The following RALGAPA2 variants were observed in gnomAD, a reference collection of about 807,000 sequenced individuals.
The protein encoded by RALGAPA2 is ral GTPase-activating protein subunit alpha-2.
A neutral mutation model predicts 230.4 loss-of-function variants in RALGAPA2; 139 were observed. That is an observed-to-expected ratio of 0.60 (90% CI 0.53 to 0.69). RALGAPA2 has a LOEUF of 0.69. Ranked by LOEUF, RALGAPA2 falls within the 30% of genes least tolerant of loss-of-function variation. RALGAPA2 has a pLI of 0.00. For synonymous variants in RALGAPA2, 847 were observed against 837.8 expected (o/e 1.01, Z -0.19); for missense variants, 2,163 against 2,276.0 (o/e 0.95, Z 1.01).
chr20:20,577,179 T>C (rs968355301), intron 20 of RALGAPA2, among the ~76,000 whole-genome samples: 2 of 152,070 alleles, frequency 1.3e-5, no homozygotes, highest in African/African-American at 4.8e-5. Flanking sequence ...TTTTAAGGCC[T>C]AATCAAAGAA....
At chr20:20,478,764 G>A (rs1228378295) in intron 36 of RALGAPA2, among the ~76,000 whole-genome samples, 2 of 151,974 alleles carry the variant, frequency 1.3e-5, no homozygotes, top group African/African-American at 4.8e-5. Context: ...ACTAAGCTCA[G>A]TACCTGGGTG....
At chr20:20,566,458 T>A (rs1310062302) in intron 23 of RALGAPA2, among the ~76,000 whole-genome samples, 1 of 152,188 alleles carries the variant, frequency 6.6e-6, no homozygotes, top group Non-Finnish European at 1.5e-5. Flanking sequence ...CCTAGTTATG[T>A]TTTTTAGTCA....
chr20:20,409,459 C>T (rs934371268), intron 38 of RALGAPA2, among the ~76,000 whole-genome samples: 1 of 152,182 alleles, frequency 6.6e-6, no homozygotes, highest in East Asian at 1.9e-4. Context: ...AAGCCCAAGG[C>T]CCTGCTTTGA....
At chr20:20,430,154 T>A (rs1051194021) in intron 37 of RALGAPA2, among the ~76,000 whole-genome samples, 2 of 152,210 alleles carry the variant, frequency 1.3e-5, no homozygotes, top group Admixed American at 1.3e-4. Flanking sequence ...AGGGGAATGA[T>A]GCCACAGGTG....
At chr20:20,693,268 G>A (rs939039809) in intron 1 of RALGAPA2, among the ~76,000 whole-genome samples, 2 of 152,082 alleles carry the variant, frequency 1.3e-5, no homozygotes, top group Admixed American at 1.3e-4. Context: ...TTTGACACAC[G>A]TTTCTCAAAT....
intron 36 of RALGAPA2, among the ~76,000 whole-genome samples, chr20:20,475,950 C>A (rs2061641100): frequency 6.6e-6 from 1 of 152,018 alleles, no homozygotes; most frequent in South Asian, 2.1e-4. Context: ...ATGTTAGCAA[C>A]CAACAATTGG....
intron 23 of RALGAPA2, among the ~76,000 whole-genome samples, chr20:20,558,005 T>C (rs1485471721): frequency 6.6e-6 from 1 of 152,104 alleles, no homozygotes; most frequent in Non-Finnish European, 1.5e-5. Flanking sequence ...ATTTTTTCAA[T>C]TTTTTTATTT....
At chr20:20,511,412 A>T in intron 32 of RALGAPA2, 87 bp from the exon 33 acceptor site, 1 of 1,478,522 alleles carries the variant, frequency 6.8e-7, no homozygotes. Context: ...AAAAATACCT[A>T]TCATCCATCC....
chr20:20,479,758 C>G (rs192801184), intron 36 of RALGAPA2, among the ~76,000 whole-genome samples: 1 of 152,324 alleles, frequency 6.6e-6, no homozygotes, highest in East Asian at 1.9e-4. Context: ...AACATTTGCA[C>G]TGGAGATCCT....
At chr20:20,491,084 T>C (rs1439380049) in intron 36 of RALGAPA2, among the ~76,000 whole-genome samples, 1 of 151,780 alleles carries the variant, frequency 6.6e-6, no homozygotes, top group Non-Finnish European at 1.5e-5. Flanking sequence ...TCAACCAGCA[T>C]TTCACAGCTG....
chr20:20,519,931 G>A (rs1436082516), intron 31 of RALGAPA2, among the ~76,000 whole-genome samples: 2 of 151,876 alleles, frequency 1.3e-5, no homozygotes, highest in African/African-American at 4.8e-5. Flanking sequence ...GAGTGCAGTG[G>A]CGCTGATCAC....
At chr20:20,683,183 C>T (rs2068582419) in intron 1 of RALGAPA2, among the ~76,000 whole-genome samples, 1 of 152,208 alleles carries the variant, frequency 6.6e-6, no homozygotes, top group African/African-American at 2.4e-5. Context: ...CGTGTTCCAG[C>T]CCTGGACTGC....
At chr20:20,650,288 T>C (rs980017371) in intron 4 of RALGAPA2, among the ~76,000 whole-genome samples, 8 of 152,214 alleles carry the variant, frequency 5.3e-5, no homozygotes, top group Non-Finnish European at 1.0e-4. Flanking sequence ...CTCTGTTTTC[T>C]ACAGACAAAA....
At position 20,571,444 on chromosome 20, in the gene RALGAPA2, G is replaced by A. The variant is rs1296987010; in HGVS notation, c.3156+14C>T. ...CAATTAATGGGCAATCACAATAAAGGAGTCGCAGAATACCTGATCCTCGCT... is the reference window on the plus strand; with the variant it reads ...CAATTAATGGGCAATCACAATAAAGAAGTCGCAGAATACCTGATCCTCGCT... On this transcript the variant is annotated intron_variant, in intron 23 of 39. Coordinates refer to ENST00000202677, the MANE Select transcript of RALGAPA2 (RefSeq NM_020343.4). 6.2e-7 allele frequency: 1 copy of A among 1,603,514 alleles called. No individual in the cohort carries two copies. The highest frequency in any genetic ancestry group is 8.5e-7 in the Non-Finnish European group (1 of 1,173,980).
At chr20:20,546,664 G>A in intron 24 of RALGAPA2, 40 bp downstream of exon 24, 1 of 1,541,866 alleles carries the variant, frequency 6.5e-7, no homozygotes, top group East Asian at 2.3e-5. Context: ...CGATTGTGAA[G>A]CCTCTTGGGA....
rs1332869787 is a variant in RALGAPA2 at position 20,571,630 on chromosome 20, G to A, written c.3001-17C>T. ...TGTCGCCGCCTGTCAAGGAGATGAT[G>A]TTTCCAGATTAAATCAAGCCCAGGT... is the stretch of plus-strand genomic sequence containing the variant. On this transcript the variant is annotated splice_polypyrimidine_tract_variant and intron_variant, in intron 22 of 39. Transcript: ENST00000202677. 1.9e-6 allele frequency: 3 copies of A among 1,603,792 alleles called. No individual in the cohort carries two copies. The highest frequency in any genetic ancestry group is 4.5e-5 in the East Asian group (2 of 44,522).
chr20:20,700,017 T>C (rs1019463453), intron 1 of RALGAPA2, among the ~76,000 whole-genome samples: 7 of 152,286 alleles, frequency 4.6e-5, no homozygotes, highest in East Asian at 1.9e-4. Flanking sequence ...CATATGTTCA[T>C]TGCCATGCGA....
chr20:20,691,274 T>A (rs953666978), intron 1 of RALGAPA2, among the ~76,000 whole-genome samples: 9 of 152,040 alleles, frequency 5.9e-5, no homozygotes, highest in African/African-American at 2.2e-4. Flanking sequence ...AGTCCTCACT[T>A]CCCTTCTTTC....
chr20:20,582,138 G>A (rs2065003615), intron 20 of RALGAPA2, among the ~76,000 whole-genome samples: 1 of 151,396 alleles, frequency 6.6e-6, no homozygotes, highest in South Asian at 2.1e-4. Flanking sequence ...TGACCTTTGA[G>A]GTTGACTTAC....
Sources: allele counts gnomAD v4.1 joint callset (sites outside exome capture counted in the v4.1 genomes callset), GRCh38; gene constraint gnomAD v4.1.1; transcripts MANE v1.5; gene names NCBI Gene and HGNC (gene_info 2026-07-23, HGNC 2026-07-21).